The following BRWD1 variants were observed in gnomAD, a reference collection of about 807,000 sequenced individuals.
The protein encoded by BRWD1 is bromodomain and WD repeat domain containing 1, also known as bromodomain and WD repeat-containing protein 1.
A neutral mutation model predicts 251.2 loss-of-function variants in BRWD1; 82 were observed. That is an observed-to-expected ratio of 0.33 (90% CI 0.27 to 0.39). The LOEUF (loss-of-function observed/expected upper bound fraction) is 0.39. BRWD1 is among the 10% of genes least tolerant of loss of function. BRWD1 has a pLI of 1.00. For synonymous variants in BRWD1, 918 were observed against 902.8 expected, an observed-to-expected ratio of 1.02 and a Z score of -0.30; for missense variants, 2,233 against 2,711.6, an observed-to-expected ratio of 0.82 and a Z score of 3.92.
At chr21:39,233,600 CAGG>C (rs1456442934) in intron 23 of BRWD1, among the ~76,000 whole-genome samples, 1 of 152,076 alleles carries the variant, frequency 6.6e-6, no homozygotes, top group Non-Finnish European at 1.5e-5. Flanking sequence ...TTGAAATTGA[CAGG>C]AGAAAATAAG....
chr21:39,220,830 C>T lies in BRWD1; in HGVS notation c.3383-2170G>A, dbSNP rs192757833. On this transcript the variant is annotated intron_variant, in intron 29 of 40. Coordinates refer to ENST00000342449, the MANE Select transcript of BRWD1 (RefSeq NM_033656.4). ...TTGGCTGGTGATACATAAGATATTC[C>T]GAAAGAAAATATAAATATATAAGAT... Among the ~76,000 whole-genome samples, 192 of 151,930 alleles carry T rather than the reference C, an allele frequency of 1.3e-3. 1 individual carries two copies. The highest frequency in any genetic ancestry group is 4.0e-3 in the African/African-American group (167 of 41,460).
intron 13 of BRWD1, 40 bp downstream of exon 13, chr21:39,274,329 GATCGA>G: frequency 1.4e-6 from 2 of 1,407,384 alleles, no homozygotes; most frequent in Non-Finnish European, 2.0e-6. Context: ...GAGAGAGACA[GATCGA>G]ACACCTATGA....
At chr21:39,253,060 C>T (rs1030803471) in intron 19 of BRWD1, among the ~76,000 whole-genome samples, 1 of 152,074 alleles carries the variant, frequency 6.6e-6, no homozygotes, top group African/African-American at 2.4e-5. Context: ...CAGGCCGAGG[C>T]AGGTGGATCA....
intron 1 of BRWD1, chr21:39,320,967 A>C (rs1410628818): frequency 6.6e-6 from 1 of 151,364 alleles, no homozygotes; most frequent in Non-Finnish European, 1.5e-5. Flanking sequence ...ATGCCTGGCC[A>C]GAGTCATAAC....
In BRWD1 at chr21:39,238,508, T is replaced by C. The variant is rs1449029520; in HGVS notation, c.2547A>G (p.Arg849=). 2 of 1,613,630 alleles carry C rather than the reference T, an allele frequency of 1.2e-6. No homozygotes were observed. The highest frequency in any genetic ancestry group is 1.3e-5 in the African/African-American group (1 of 75,018). ...AACTTTCGCTGTAACTCTCACTTTT[T>C]CTGTCACTTCTCCATTCATCCTCTT... ...SSEEDEWRSD[R]KSESYSESSS... Residue 849 remains arginine, a synonymous_variant, in exon 22 of 41, where the codon AGA becomes AGG. Coordinates refer to ENST00000342449, the MANE Select transcript of BRWD1 (RefSeq NM_033656.4).
At chr21:39,310,990 G>A (rs143608295) in intron 4 of BRWD1, among the ~76,000 whole-genome samples, 117 of 152,242 alleles carry the variant, frequency 7.7e-4, no homozygotes, top group African/African-American at 2.8e-3. Context: ...GGAGGGCAGA[G>A]AGGAAGGTAA....
intron 19 of BRWD1, among the ~76,000 whole-genome samples, chr21:39,255,386 T>C (rs1262026476): frequency 6.6e-6 from 1 of 151,338 alleles, no homozygotes; most frequent in Non-Finnish European, 1.5e-5. Context: ...CACTCCAGCC[T>C]GCGCAACGAG....
chr21:39,205,423 G>T (rs1434604597), intron 37 of BRWD1, among the ~76,000 whole-genome samples: 1 of 152,152 alleles, frequency 6.6e-6, no homozygotes, highest in African/African-American at 2.4e-5. Context: ...AGCTGCAGTG[G>T]TCATGATCAT....
At chr21:39,221,983 T>C (rs1054889231) in intron 29 of BRWD1, among the ~76,000 whole-genome samples, 14 of 151,694 alleles carry the variant, frequency 9.2e-5, no homozygotes, top group African/African-American at 3.1e-4. Flanking sequence ...GGAAAAAATG[T>C]TCAGTATCAT....
rs189685764 is a variant in BRWD1, at chr21:39,253,680, G to A, written c.2255+1965C>T. On this transcript the variant is annotated intron_variant, in intron 19 of 40. Coordinates refer to ENST00000342449, the MANE Select transcript of BRWD1 (RefSeq NM_033656.4). ...CCCAAATTCACAGAACAATATATAA[G>A]TACTATCTAATAACACTCCAGCATT... Among the ~76,000 whole-genome samples the A allele has an allele frequency of 1.9e-4, 29 of 152,132 alleles. No homozygotes were observed. The East Asian group carries it at 5.4e-3, about 28-fold the overall frequency.
chr21:39,251,965 A>G (rs1190876182), intron 19 of BRWD1, among the ~76,000 whole-genome samples: 4 of 152,158 alleles, frequency 2.6e-5, no homozygotes, highest in Admixed American at 2.6e-4. Flanking sequence ...CATAGAGTGT[A>G]TATAAAAGAA....
At chr21:39,254,427 A>ATTTCT in intron 19 of BRWD1, among the ~76,000 whole-genome samples, 1 of 152,232 alleles carries the variant, frequency 6.6e-6, no homozygotes, top group East Asian at 1.9e-4. Context: ...GAGCCTTAGA[A>ATTTCT]AAGAGGCTCC....
intron 4 of BRWD1, among the ~76,000 whole-genome samples, chr21:39,300,519 T>C (rs2036080807): frequency 6.6e-6 from 1 of 152,190 alleles, no homozygotes; most frequent in Non-Finnish European, 1.5e-5. Context: ...CCTCAAAGCA[T>C]GGAAAGCCAG....
chr21:39,278,457 T>G (rs1050774707), intron 10 of BRWD1: 1 of 333,424 alleles, frequency 3.0e-6, no homozygotes, highest in Non-Finnish European at 5.4e-6. Context: ...CAAATTTAGA[T>G]TATCATACAC....
At chr21:39,215,505 C>G in intron 31 of BRWD1, 143 bp from the exon 32 acceptor site, 1 of 697,356 alleles carries the variant, frequency 1.4e-6, no homozygotes, top group East Asian at 2.8e-5. Flanking sequence ...TTCTAATGCT[C>G]TCAACTTGAT....
At chr21:39,286,562 G>A (rs1380559700) in intron 8 of BRWD1, among the ~76,000 whole-genome samples, 1 of 150,812 alleles carries the variant, frequency 6.6e-6, no homozygotes, top group Non-Finnish European at 1.5e-5. Context: ...TCACCTGGTG[G>A]GAAGTGCAGT....
At chr21:39,287,566 CTTT>C (rs551410374) in intron 8 of BRWD1, among the ~76,000 whole-genome samples, 185 of 152,222 alleles carry the variant, frequency 1.2e-3, no homozygotes, top group African/African-American at 4.2e-3. Flanking sequence ...AAAATATCCT[CTTT>C]TTATTATCTG....
At chr21:39,202,120 A>G (rs1421940052) in intron 38 of BRWD1, among the ~76,000 whole-genome samples, 6 of 152,256 alleles carry the variant, frequency 3.9e-5, no homozygotes, top group East Asian at 3.8e-4. Context: ...TGACAATTCA[A>G]TATAAATGTA....
chr21:39,240,503 G>GA (rs1005494326), intron 21 of BRWD1, among the ~76,000 whole-genome samples: 1 of 151,966 alleles, frequency 6.6e-6, no homozygotes, highest in African/African-American at 2.4e-5. Flanking sequence ...CTAAGAAAAA[G>GA]AAAAAATCAA....
Sources: allele counts gnomAD v4.1 joint callset (sites outside exome capture counted in the v4.1 genomes callset), GRCh38; gene constraint gnomAD v4.1.1; transcripts MANE v1.5; gene names NCBI Gene and HGNC (gene_info 2026-07-23, HGNC 2026-07-21).